The following LEMD3 variants were observed in gnomAD, a reference collection of about 807,000 sequenced individuals.
The protein encoded by LEMD3 is inner nuclear membrane protein Man1.
LEMD3 carries 33 observed loss-of-function variants against 95.2 expected under a neutral mutation model. The ratio of observed to expected loss-of-function variants is 0.35; its 90% CI spans 0.26 to 0.46. The LOEUF is 0.46. Among genes scored for constraint, LEMD3 ranks in the 20% least tolerant of loss-of-function variants. The pLI, the probability that LEMD3 is intolerant of heterozygous loss-of-function variation, is 1.00. For synonymous variants in LEMD3, 525 were observed against 474.6 expected (o/e 1.11, Z -1.38); for missense variants, 1,210 against 1,192.8 (o/e 1.01, Z -0.21).
intron 1 of LEMD3, among the ~76,000 whole-genome samples, chr12:65,183,802 T>A (rs757485648): frequency 6.6e-6 from 1 of 152,168 alleles, no homozygotes; most frequent in Non-Finnish European, 1.5e-5. Context: ...AAAGGACTTC[T>A]TAGCTTAGAG....
At chr12:65,201,066 C>T (rs1001024166) in intron 1 of LEMD3, among the ~76,000 whole-genome samples, 4 of 152,072 alleles carry the variant, frequency 2.6e-5, no homozygotes, top group Admixed American at 6.6e-5. Context: ...ATCTTTGCTC[C>T]ATTATATTGC....
intron 1 of LEMD3, among the ~76,000 whole-genome samples, chr12:65,190,083 T>G (rs1869190430): frequency 6.6e-6 from 1 of 152,168 alleles, no homozygotes; most frequent in Admixed American, 6.6e-5. Context: ...CATATCCAGC[T>G]CTATGTACAT....
chr12:65,211,437 T>G (rs1869935710), intron 2 of LEMD3, among the ~76,000 whole-genome samples: 1 of 152,206 alleles, frequency 6.6e-6, no homozygotes, highest in African/African-American at 2.4e-5. Context: ...TTCAGGCTAT[T>G]TCTTTAATTT....
chr12:65,178,323 T>TTTTCA (rs1868793391), intron 1 of LEMD3, among the ~76,000 whole-genome samples: 1 of 152,206 alleles, frequency 6.6e-6, no homozygotes, highest in South Asian at 2.1e-4. Context: ...ATGAAAATGT[T>TTTTCA]TTTCATTTGA....
intron 2 of LEMD3, among the ~76,000 whole-genome samples, chr12:65,212,536 C>CAAAA (rs35873080): frequency 1.6e-4 from 17 of 103,400 alleles, no homozygotes; most frequent in African/African-American, 3.2e-4. Flanking sequence ...GACTCCATCT[C>CAAAA]AAAAAAAAAA....
chr12:65,195,456 T>C (rs1400416653), intron 1 of LEMD3, among the ~76,000 whole-genome samples: 1 of 152,138 alleles, frequency 6.6e-6, no homozygotes, highest in Non-Finnish European at 1.5e-5. Flanking sequence ...ACGCTTCTTA[T>C]TGATGTTTAT....
intron 8 of LEMD3, 130 bp downstream of exon 8, chr12:65,240,368 T>C (rs927704708): frequency 4.2e-6 from 3 of 717,834 alleles, no homozygotes; most frequent in Non-Finnish European, 4.9e-6. Flanking sequence ...TTTTTGGTTT[T>C]GCTTTGTTTT....
intron 1 of LEMD3, among the ~76,000 whole-genome samples, chr12:65,194,280 G>C (rs982177160): frequency 3.3e-5 from 5 of 152,124 alleles, no homozygotes; most frequent in African/African-American, 1.2e-4. Flanking sequence ...CCCAGATAGA[G>C]CTGATTTATC....
intron 4 of LEMD3, among the ~76,000 whole-genome samples, chr12:65,235,497 C>T (rs138907141): frequency 5.9e-5 from 9 of 151,412 alleles, no homozygotes; most frequent in Admixed American, 3.3e-4. Flanking sequence ...TTTAACCAAC[C>T]GTGGATCAAA....
At chr12:65,177,644 ATGTT>A (rs1417440366) in intron 1 of LEMD3, among the ~76,000 whole-genome samples, 1 of 152,112 alleles carries the variant, frequency 6.6e-6, no homozygotes, top group Non-Finnish European at 1.5e-5. Context: ...ATACTTTTAA[ATGTT>A]TGTTTTTTTA....
At chr12:65,179,659 G>T (rs1868839699) in intron 1 of LEMD3, among the ~76,000 whole-genome samples, 1 of 152,184 alleles carries the variant, frequency 6.6e-6, no homozygotes, top group Non-Finnish European at 1.5e-5. Context: ...GCTAATGCAT[G>T]CTGGGCTTAA....
chr12:65,181,686 A>G (rs1449144446), intron 1 of LEMD3, among the ~76,000 whole-genome samples: 1 of 152,062 alleles, frequency 6.6e-6, no homozygotes, highest in East Asian at 1.9e-4. Flanking sequence ...CTGTATTACC[A>G]TTTTCTCAAT....
chr12:65,203,671 A>T (rs2136331722), intron 1 of LEMD3, among the ~76,000 whole-genome samples: 1 of 152,224 alleles, frequency 6.6e-6, no homozygotes, highest in Admixed American at 6.6e-5. Context: ...TGATTTGTTG[A>T]GTTCAACTAT....
intron 1 of LEMD3, among the ~76,000 whole-genome samples, chr12:65,199,167 TTTAG>T (rs1869519897): frequency 6.6e-6 from 1 of 152,142 alleles, no homozygotes; most frequent in Non-Finnish European, 1.5e-5. Flanking sequence ...GGACTTCAGT[TTTAG>T]TTACTGATCA....
Position 65,246,217 on chromosome 12 carries a change from C to G in LEMD3, c.2628C>G (p.Pro876=). 6.2e-7 allele frequency: 1 copy of G among 1,612,868 alleles called. No individual in the cohort carries two copies. The highest frequency in any genetic ancestry group is 8.5e-7 in the Non-Finnish European group (1 of 1,179,070). The change falls in exon 13 of 13, where the codon CCC becomes CCG. Residue 876 remains proline (P), a synonymous_variant. Transcript: ENST00000308330. The part of the protein sequence containing the change: ...LRLDRYHHRF[P]QALTSNTPLK... Reference sequence around the variant, plus strand: ...TAGATAGATACCACCATCGCTTTCCCCAGGCTCTCACTTCCAACACTCCAT... The same window carrying G: ...TAGATAGATACCACCATCGCTTTCCGCAGGCTCTCACTTCCAACACTCCAT...
intron 2 of LEMD3, among the ~76,000 whole-genome samples, chr12:65,215,549 G>C (rs575726228): frequency 1.3e-5 from 2 of 152,234 alleles, no homozygotes; most frequent in East Asian, 3.9e-4. Flanking sequence ...ATCAGTCAAC[G>C]TGCCAGTACT....
At chr12:65,219,230 T>C (rs1196441069) in intron 4 of LEMD3, among the ~76,000 whole-genome samples, 1 of 152,216 alleles carries the variant, frequency 6.6e-6, no homozygotes, top group Non-Finnish European at 1.5e-5. Context: ...TAACCATTTA[T>C]TTAAAATCTT....
intron 4 of LEMD3, among the ~76,000 whole-genome samples, chr12:65,227,566 T>C (rs1870488839): frequency 6.6e-6 from 1 of 152,216 alleles, no homozygotes; most frequent in African/African-American, 2.4e-5. Context: ...TCCTGCTATA[T>C]ACCTTAAATC....
Position 65,170,557 on chromosome 12 carries a change from A to T in LEMD3, c.961A>T (p.Arg321Trp). The change falls in exon 1 of 13, where the codon AGG (arginine) becomes TGG (tryptophan). Residue 321 changes from arginine to tryptophan, a missense_variant. Physicochemically the swap from Arg to Trp is moderately radical, Grantham distance 101. This residue lies in a region of LEMD3 where 749 missense variants were observed against 622.9 expected (regional missense o/e 1.20). Coordinates refer to ENST00000308330, the MANE Select transcript of LEMD3 (RefSeq NM_014319.5). ...QGGGGLAMNDRAAAAGSLDRS... is the reference protein window; with the variant it reads ...QGGGGLAMNDWAAAAGSLDRS... The stretch of plus-strand genomic sequence containing the variant: ...AGGGGGAGGACTCGCGATGAATGAC[A>T]GGGCGGCGGCTGCCGGGAGTCTAGA... The T allele has an allele frequency of 6.2e-7, 1 of 1,614,020 alleles. No individual in the cohort carries two copies. Among genetic ancestry groups the T allele is most frequent in the Non-Finnish European group, 8.5e-7 (1 of 1,179,978 alleles).
Sources: gnomAD v4.1 joint callset for allele counts (sites outside exome capture counted in the v4.1 genomes callset) on GRCh38, gnomAD v4.1.1 for gene constraint, gnomAD v4.1.1 regional missense constraint, MANE v1.5 for transcripts, NCBI Gene and HGNC (gene_info 2026-07-23, HGNC 2026-07-21) for gene names.